Variants in SUZ12 observed in about 807,000 individuals in gnomAD.
SUZ12 encodes the protein SUZ12 polycomb repressive complex 2 subunit, also known as polycomb protein SUZ12.
Under a neutral mutation model 87.3 loss-of-function variants are expected in SUZ12, and 17 were observed. That is an observed-to-expected ratio of 0.19 (90% CI 0.13 to 0.29). The LOEUF is 0.29. Ranked by LOEUF, SUZ12 falls within the 10% of genes least tolerant of loss-of-function variation. SUZ12 has a pLI of 1.00. For missense variants in SUZ12, 526 were observed against 912.2 expected, an observed-to-expected ratio of 0.58 and a Z score of 5.45; for synonymous variants, 253 against 312.4, an observed-to-expected ratio of 0.81 and a Z score of 2.01.
At chr17:31,997,628 T>G (rs1306432852) in intron 15 of SUZ12, among the ~76,000 whole-genome samples, 1 of 136,736 alleles carries the variant, frequency 7.3e-6, no homozygotes, top group Non-Finnish European at 1.5e-5. Flanking sequence ...ATTGCACCAC[T>G]GCACTCCAGC....
chr17:31,945,161 C>T (rs1906558475), intron 3 of SUZ12, among the ~76,000 whole-genome samples: 2 of 151,488 alleles, frequency 1.3e-5, no homozygotes, highest in South Asian at 4.2e-4. Flanking sequence ...GAAATTAAAG[C>T]ACAACTCATT....
At chr17:31,957,872 C>T (rs568766418) in intron 4 of SUZ12, among the ~76,000 whole-genome samples, 1 of 148,160 alleles carries the variant, frequency 6.7e-6, no homozygotes, top group East Asian at 2.0e-4. Context: ...GCCACTGCAC[C>T]TGGCCCTGGC....
chr17:31,982,443 C>T (rs1483406945), intron 8 of SUZ12, among the ~76,000 whole-genome samples: 6 of 152,138 alleles, frequency 3.9e-5, no homozygotes, highest in South Asian at 4.1e-4. Flanking sequence ...GGGTGGATCA[C>T]GAGGGCAGGA....
Position 31,988,367 on chromosome 17 carries a change from C to G in SUZ12, c.1071C>G (p.Phe357Leu). 1.9e-6 allele frequency: 3 copies of G among 1,605,604 alleles called. No individual in the cohort carries two copies. The highest frequency in any genetic ancestry group is 2.5e-6 in the Non-Finnish European group (3 of 1,177,432). The change falls in exon 10 of 16, where the codon TTC (phenylalanine) becomes TTG (leucine). Residue 357 changes from phenylalanine (F) to leucine (L), a missense_variant. By Grantham distance (22) the Phe-to-Leu change is conservative. Transcript: ENST00000322652. ...TTTCTCAGGGACCTACGTTGCAGTT[C>G]ACTCTTCGTTGGACAGGAGAGACCA... ...ETFSQGPTLQFTLRWTGETND... is the reference protein window; with the variant it reads ...ETFSQGPTLQLTLRWTGETND...
intron 8 of SUZ12, among the ~76,000 whole-genome samples, chr17:31,980,300 T>C (rs1909020235): frequency 6.6e-6 from 1 of 152,028 alleles, no homozygotes; most frequent in South Asian, 2.1e-4. Flanking sequence ...GATACTGTTA[T>C]TTTAATGCTC....
chr17:31,998,301 G>C (rs1308120433), intron 15 of SUZ12, among the ~76,000 whole-genome samples: 1 of 151,960 alleles, frequency 6.6e-6, no homozygotes, highest in Non-Finnish European at 1.5e-5. Flanking sequence ...GGATGGTCTT[G>C]ATCTCCTGAT....
intron 8 of SUZ12, among the ~76,000 whole-genome samples, chr17:31,981,565 A>C (rs1202789725): frequency 6.6e-6 from 1 of 152,208 alleles, no homozygotes; most frequent in Non-Finnish European, 1.5e-5. Context: ...CTCCTTTTTG[A>C]TTTAGAAATA....
intron 10 of SUZ12, among the ~76,000 whole-genome samples, chr17:31,993,028 A>G (rs1241689246): frequency 6.6e-6 from 1 of 152,216 alleles, no homozygotes; most frequent in African/African-American, 2.4e-5. Context: ...AAGGAAAAAA[A>G]TAAGTCCTGC....
Position 31,937,360 on chromosome 17 carries a change from C to T in SUZ12, c.114C>T (p.Gly38=), listed in dbSNP as rs1455831223. The change falls in exon 1 of 16, where the codon GGC becomes GGT. Residue 38 remains glycine (G), a synonymous_variant. Transcript: ENST00000322652. ...CGGTGGCGGCGGCGACGGCTTCGGG[C>T]GGCAAATCCGGCGGCGGGAGCTGTG... The part of the protein sequence containing the change: ...SAAVAAATAS[G]GKSGGGSCGG... 3 of 1,499,030 alleles carry T rather than the reference C, an allele frequency of 2.0e-6. No individual in the cohort carries two copies. The highest frequency in any genetic ancestry group is 2.7e-6 in the Non-Finnish European group (3 of 1,127,088). The allele number at this position is 1,499,030 out of a possible 1,614,324, so 92.9% of individuals were successfully genotyped here.
chr17:31,950,899 G>A (rs1453875393), intron 4 of SUZ12, among the ~76,000 whole-genome samples: 2 of 151,858 alleles, frequency 1.3e-5, no homozygotes, highest in Non-Finnish European at 2.9e-5. Context: ...TCCTGCCTCA[G>A]CCTCCCGAGT....
At chr17:31,954,339 G>A (rs1016310742) in intron 4 of SUZ12, among the ~76,000 whole-genome samples, 2 of 152,208 alleles carry the variant, frequency 1.3e-5, no homozygotes, top group East Asian at 1.9e-4. Context: ...GGGATTGCAG[G>A]CGTGAGCCTC....
chr17:31,995,394 T>G (rs1321174568), intron 13 of SUZ12, among the ~76,000 whole-genome samples, 170 bp from the exon 14 acceptor site: 1 of 152,222 alleles, frequency 6.6e-6, no homozygotes, highest in Non-Finnish European at 1.5e-5. Flanking sequence ...TGATTTACAT[T>G]ATGTACCAAA....
At chr17:31,987,751 T>C (rs945941584) in intron 9 of SUZ12, among the ~76,000 whole-genome samples, 1 of 152,000 alleles carries the variant, frequency 6.6e-6, no homozygotes, top group African/African-American at 2.4e-5. Context: ...GCCAAGATGA[T>C]GAAACCCCGT....
chr17:31,941,278 A>C (rs1906263630), intron 3 of SUZ12, among the ~76,000 whole-genome samples: 3 of 148,550 alleles, frequency 2.0e-5, no homozygotes, highest in African/African-American at 7.5e-5. Flanking sequence ...TTTTTTTGAG[A>C]GAAGTCTCAC....
intron 4 of SUZ12, among the ~76,000 whole-genome samples, chr17:31,949,678 T>TTTG (rs1906841853): frequency 2.9e-5 from 1 of 34,020 alleles, no homozygotes; most frequent in African/African-American, 1.5e-4. Flanking sequence ...CCCCCCCCCT[T>TTTG]TTTTTTTTTT....
Position 31,995,761 on chromosome 17 carries a change from C to G in SUZ12, c.1793C>G (p.Thr598Arg). The G allele has an allele frequency of 6.3e-7, 1 of 1,594,698 alleles. No homozygotes were observed. Among genetic ancestry groups the G allele is most frequent in the Non-Finnish European group, 8.6e-7 (1 of 1,165,356 alleles). Residue 598 changes from threonine to arginine, a missense_variant and splice_region_variant, in exon 14 of 16, where the codon ACA becomes AGA. Around this residue, in one of 9 missense-constraint regions of SUZ12, gnomAD observed 143 missense variants for 321.6 expected, o/e 0.44. Coordinates refer to ENST00000322652, the MANE Select transcript of SUZ12 (RefSeq NM_015355.4). Reference sequence around the variant, plus strand: ...GAATGGCTAAGAGAAAAAACCATTACAGTAATTATTATTATCTTTATTGGC... The same window carrying G: ...GAATGGCTAAGAGAAAAAACCATTAGAGTAATTATTATTATCTTTATTGGC... ...DPEWLREKTI[T>R]QIEEFSDVNE...
chr17:31,986,018 G>A (rs1202894759), intron 9 of SUZ12, among the ~76,000 whole-genome samples: 1 of 151,950 alleles, frequency 6.6e-6, no homozygotes, highest in East Asian at 1.9e-4. Context: ...CCCAGAGGTG[G>A]AGTGCAATGG....
intron 8 of SUZ12, among the ~76,000 whole-genome samples, chr17:31,981,626 A>G (rs486842): frequency 0.11 from 16,259 of 152,220 alleles, 1,064 homozygotes; most frequent in Middle Eastern, 0.15. Flanking sequence ...AAAATAGTTG[A>G]ATGGCTTTGC....
intron 15 of SUZ12, among the ~76,000 whole-genome samples, chr17:31,997,666 C>CACA (rs1910048290): frequency 1.4e-5 from 1 of 70,422 alleles, no homozygotes; most frequent in Non-Finnish European, 2.9e-5. Context: ...ACCCTATCTC[C>CACA]AAAAAAAAAA....
Sources: gnomAD v4.1 joint callset for allele counts (sites outside exome capture counted in the v4.1 genomes callset) on GRCh38, gnomAD v4.1.1 for gene constraint, gnomAD v4.1.1 regional missense constraint, MANE v1.5 for transcripts, NCBI Gene and HGNC (gene_info 2026-07-23, HGNC 2026-07-21) for gene names.